The following NRXN1 variants were observed in gnomAD, a reference collection of about 807,000 sequenced individuals.
The protein encoded by NRXN1 is neurexin-1.
In NRXN1, 39 loss-of-function variants were observed where a neutral mutation model predicts 150.9. The ratio of observed to expected loss-of-function variants is 0.26; its 90% CI spans 0.20 to 0.34. The LOEUF (loss-of-function observed/expected upper bound fraction) is 0.34, where lower values mean the gene tolerates loss of function less well. Ranked by LOEUF, NRXN1 falls within the 10% of genes least tolerant of loss-of-function variation. The pLI, the probability that NRXN1 is intolerant of heterozygous loss-of-function variation, is 1.00. For missense variants in NRXN1, 1,815 were observed against 1,949.9 expected, an observed-to-expected ratio of 0.93 and a Z score of 1.30; for synonymous variants, 924 against 757.0, an observed-to-expected ratio of 1.22 and a Z score of -3.62.
rs185157539 is a variant in NRXN1 at position 49,990,961 on chromosome 2, C to T, written c.4129-47170G>A. On this transcript the variant is annotated intron_variant, in intron 21 of 22. Transcript: ENST00000401669. Reference sequence around the variant, plus strand: ...CCAGGACTACACAGAACAACACAATCAAGGTAGAATTGACACAAATAACTC... The same window carrying T: ...CCAGGACTACACAGAACAACACAATTAAGGTAGAATTGACACAAATAACTC... 2.3e-3 allele frequency among the ~76,000 whole-genome samples: 351 copies of T among 152,152 alleles called. 2 individuals carry two copies. Among genetic ancestry groups the T allele is most frequent in the Admixed American group, 8.6e-3 (131 of 15,284 alleles).
intron 5 of NRXN1, among the ~76,000 whole-genome samples, chr2:50,660,383 T>C (rs1207455873): frequency 6.6e-6 from 1 of 152,008 alleles, no homozygotes; most frequent in African/African-American, 2.4e-5. Context: ...GTATTGTAAC[T>C]AGAAGGAACA....
chr2:50,842,176 C>T (rs768350799), intron 5 of NRXN1, among the ~76,000 whole-genome samples: 7 of 152,162 alleles, frequency 4.6e-5, no homozygotes, highest in African/African-American at 1.7e-4. Context: ...ATTAACCTTC[C>T]ATTAAATCAT....
At chr2:50,829,386 C>T in intron 5 of NRXN1, 2 of 1,180,594 alleles carry the variant, frequency 1.7e-6, no homozygotes, top group Non-Finnish European at 2.5e-6. Context: ...CCTCGGGCTC[C>T]CAAAGTGCGG....
At chr2:50,240,106 C>A (rs1043256065) in intron 17 of NRXN1, among the ~76,000 whole-genome samples, 10 of 151,484 alleles carry the variant, frequency 6.6e-5, no homozygotes, top group Non-Finnish European at 1.2e-4. Context: ...CAGATTTTAA[C>A]CTTTTTCAAT....
At chr2:50,594,400 C>T (rs147565224) in intron 8 of NRXN1, among the ~76,000 whole-genome samples, 2 of 152,188 alleles carry the variant, frequency 1.3e-5, no homozygotes, top group African/African-American at 4.8e-5. Context: ...CTAAAAAAAT[C>T]AACATGCACA....
intron 15 of NRXN1, among the ~76,000 whole-genome samples, chr2:50,478,296 C>T (rs1048559678): frequency 6.6e-6 from 1 of 152,158 alleles, no homozygotes; most frequent in Non-Finnish European, 1.5e-5. Flanking sequence ...GAAGTGAATA[C>T]TGCTCTAATC....
At chr2:50,924,955 AT>A (rs1686639781) in intron 3 of NRXN1, among the ~76,000 whole-genome samples, 1 of 151,854 alleles carries the variant, frequency 6.6e-6, no homozygotes, top group South Asian at 2.1e-4. Context: ...CCTTCATTCT[AT>A]GGAAATGTAC....
rs529578756 is a variant in NRXN1, at chr2:50,139,638, T to C, written c.3547-48144A>G. 3.5e-4 allele frequency among the ~76,000 whole-genome samples: 53 copies of C among 152,230 alleles called. 1 individual carries two copies. In the South Asian group the frequency reaches 9.8e-3, roughly 28 times the overall value. On this transcript the variant is annotated intron_variant, in intron 18 of 22. Coordinates refer to ENST00000401669, the MANE Select transcript of NRXN1 (RefSeq NM_001330078.2). ...AAACAAAACAAAACACCACCAGTAA[T>C]GATCCAGTTTAATAACCTCATATAT...
chr2:50,083,364 T>G (rs957715768), intron 19 of NRXN1, among the ~76,000 whole-genome samples: 3 of 152,150 alleles, frequency 2.0e-5, no homozygotes, highest in South Asian at 2.1e-4. Flanking sequence ...CCAAAACCCA[T>G]CAAACCATCA....
chr2:50,408,866 T>TCTCTCTCC (rs2082946643), intron 17 of NRXN1, among the ~76,000 whole-genome samples: 1 of 129,324 alleles, frequency 7.7e-6, no homozygotes, highest in African/African-American at 3.5e-5. Context: ...TCTCTCTCTC[T>TCTCTCTCC]CTCTCTCTCA....
At chr2:50,884,631 T>G (rs72823543) in intron 5 of NRXN1, among the ~76,000 whole-genome samples, 36 of 151,702 alleles carry the variant, frequency 2.4e-4, no homozygotes, top group Non-Finnish European at 4.0e-4. Context: ...GAGAGCACAT[T>G]ATCTTTCCAT....
intron 11 of NRXN1, 108 bp downstream of exon 11, chr2:50,531,119 T>A (rs2093090315): frequency 1.3e-6 from 1 of 795,608 alleles, no homozygotes; most frequent in African/African-American, 1.7e-5. Flanking sequence ...ATAAGACCAT[T>A]AAGTGTTTTA....
intron 5 of NRXN1, among the ~76,000 whole-genome samples, chr2:50,718,086 C>T (rs764103896): frequency 4.6e-5 from 7 of 152,114 alleles, no homozygotes; most frequent in Non-Finnish European, 1.0e-4. Flanking sequence ...GTGTCCATAA[C>T]GTCAGCAATT....
chr2:50,375,213 AT>A (rs1274461098), intron 17 of NRXN1, among the ~76,000 whole-genome samples: 5 of 151,980 alleles, frequency 3.3e-5, no homozygotes. Context: ...CTCTTGAATA[AT>A]TGATGTAGCT....
chr2:50,128,146 T>G (rs140034342), intron 18 of NRXN1, among the ~76,000 whole-genome samples: 5 of 152,306 alleles, frequency 3.3e-5, no homozygotes, highest in Non-Finnish European at 7.3e-5. Flanking sequence ...CCATGATAGC[T>G]GAGATGTTTG....
intron 5 of NRXN1, among the ~76,000 whole-genome samples, chr2:50,809,742 G>T (rs1667965461): frequency 6.6e-6 from 1 of 152,128 alleles, no homozygotes; most frequent in Non-Finnish European, 1.5e-5. Flanking sequence ...ATGTCTAAGA[G>T]AACCAGATCA....
At chr2:50,532,579 T>C (rs983615703) in intron 10 of NRXN1, among the ~76,000 whole-genome samples, 1 of 152,156 alleles carries the variant, frequency 6.6e-6, no homozygotes, top group Non-Finnish European at 1.5e-5. Flanking sequence ...AAATATTATC[T>C]ATAAGCACAG....
intron 19 of NRXN1, among the ~76,000 whole-genome samples, chr2:50,065,245 C>T (rs1344585256): frequency 6.6e-6 from 1 of 152,020 alleles, no homozygotes; most frequent in Non-Finnish European, 1.5e-5. Flanking sequence ...TTTTATTTTA[C>T]TGATGGAAAA....
chr2:50,928,701 C>T (rs58519896), intron 2 of NRXN1, among the ~76,000 whole-genome samples: 1 of 151,836 alleles, frequency 6.6e-6, no homozygotes, highest in African/African-American at 2.4e-5. Flanking sequence ...TGGCATGCCA[C>T]GGTGTACAGG....
Sources: allele counts gnomAD v4.1 joint callset (sites outside exome capture counted in the v4.1 genomes callset), GRCh38; gene constraint gnomAD v4.1.1; transcripts MANE v1.5; gene names NCBI Gene and HGNC (gene_info 2026-07-23, HGNC 2026-07-21).